ANK1: variants seen among roughly 807,000 people sequenced by gnomAD.
ANK1 encodes the protein ankyrin-1.
A neutral mutation model predicts 210.4 loss-of-function variants in ANK1; 51 were observed. The ratio of observed to expected loss-of-function variants is 0.24; its 90% CI spans 0.19 to 0.31. ANK1 has a LOEUF of 0.31. Among genes scored for constraint, ANK1 ranks in the 10% least tolerant of loss-of-function variants. The pLI is 1.00. For missense variants in ANK1, 2,051 were observed against 2,504.4 expected (o/e 0.82, Z 3.86); for synonymous variants, 967 against 1,025.9 (o/e 0.94, Z 1.10).
At chr8:41,890,708 C>CAAAAAAAAAAAAAAAA (rs557921949) in intron 1 of ANK1, among the ~76,000 whole-genome samples, 2 of 62,946 alleles carry the variant, frequency 3.2e-5, no homozygotes, top group African/African-American at 4.3e-5. Flanking sequence ...GACTCCGTCT[C>CAAAAAAAAAAAAAAAA]AAAAAAAAAA....
chr8:41,692,541 C>T, intron 31 of ANK1, 107 bp downstream of exon 31: 1 of 1,118,494 alleles, frequency 8.9e-7, no homozygotes, highest in Non-Finnish European at 1.3e-6. Flanking sequence ...GCTGTGGAGC[C>T]CCTCGTCTAC....
Position 41,734,031 on chromosome 8 carries a change from G to A in ANK1, c.168C>T (p.Gly56=). Residue 56 remains glycine (G), a synonymous_variant, in exon 3 of 43, where the codon GGC becomes GGT. Transcript: ENST00000289734. ...LNGLHLASKE[G]HVKMVVELLH... is the part of the protein sequence containing the mutation. ...GAAGTTCAACCACCATTTTCACATG[G>A]CCTTCCTTAGAAGCCAGATGCAAGC... 6.2e-7 allele frequency: 1 copy of A among 1,614,218 alleles called. No homozygotes were observed. The highest frequency in any genetic ancestry group is 8.5e-7 in the Non-Finnish European group (1 of 1,180,030).
At chr8:41,846,985 C>T (rs1053577495) in intron 1 of ANK1, among the ~76,000 whole-genome samples, 1 of 152,228 alleles carries the variant, frequency 6.6e-6, no homozygotes, top group East Asian at 1.9e-4. Flanking sequence ...TTACCATCGC[C>T]TCTCATGGGG....
At chr8:41,723,781 T>A (rs976927810) in intron 7 of ANK1, 148 bp from the exon 8 acceptor site, 10 of 510,330 alleles carry the variant, frequency 2.0e-5, no homozygotes, top group Admixed American at 1.1e-4. Context: ...TTTTATTTTT[T>A]TTTATTTTTT....
chr8:41,837,054 G>A (rs1362560864), intron 1 of ANK1, among the ~76,000 whole-genome samples: 2 of 152,208 alleles, frequency 1.3e-5, no homozygotes, highest in Admixed American at 1.3e-4. Flanking sequence ...TTGGTTAAAT[G>A]AGATAAAACC....
At position 41,704,221 on chromosome 8, in the gene ANK1, T is replaced by C. The variant is rs1823917581; in HGVS notation, c.2197-82A>G. On this transcript the variant is annotated intron_variant, in intron 19 of 42. Transcript: ENST00000289734. The surrounding 1 kb of genome is among the most constrained non-coding windows in gnomAD (Gnocchi z 4.1). ...CTACACATGATAGTGCCTGCCCATC[T>C]TCGAAGTGGGACATTAATGAAATGC... 1 of 1,406,586 alleles carries C rather than the reference T, an allele frequency of 7.1e-7. No homozygotes were observed. The allele number at this position is 1,406,586 out of a possible 1,614,324, so 87.1% of individuals were successfully genotyped here.
chr8:41,654,260 A>T lies in ANK1; in HGVS notation c.*1530T>A, dbSNP rs561281385. On this transcript the variant is annotated 3_prime_UTR_variant, in exon 43 of 43. Transcript: ENST00000289734. ...GAACTTAAGGCTCCTCCCTGATGGC[A>T]CCGAGGCGAGGAACTGCCAGCTGTC... 1 of 152,672 alleles carries T rather than the reference A, an allele frequency of 6.5e-6. No homozygotes were observed. Among genetic ancestry groups the T allele is most frequent in the East Asian group, 1.9e-4 (1 of 5,166 alleles). 9.5% of individuals were successfully genotyped at this position (152,672 alleles called of 1,614,324 possible). A position where few individuals can be genotyped will look rare whatever the true frequency, so the allele number is the denominator to read the frequency against.
intron 2 of ANK1, among the ~76,000 whole-genome samples, chr8:41,734,984 T>C (rs1833075892): frequency 6.6e-6 from 1 of 152,142 alleles, no homozygotes; most frequent in Non-Finnish European, 1.5e-5. Context: ...AGTTAAGCTT[T>C]AGGAAAAGCA....
Position 41,727,618 on chromosome 8 carries a change from C to A in ANK1, c.328-270G>T, listed in dbSNP as rs139394900. 2.9e-3 allele frequency among the ~76,000 whole-genome samples: 439 copies of A among 152,350 alleles called. 2 individuals carry two copies. Among genetic ancestry groups the A allele is most frequent in the African/African-American group, 9.9e-3 (411 of 41,574 alleles). Reference sequence around the variant, plus strand: ...TTCATCAATGCTGCACTGCACACCTCATTCCCCCAGTCCTCAGTTTCTCTC... The same window carrying A: ...TTCATCAATGCTGCACTGCACACCTAATTCCCCCAGTCCTCAGTTTCTCTC... On this transcript the variant is annotated intron_variant, in intron 4 of 42. Transcript: ENST00000289734.
At chr8:41,887,242 C>CTTTTTTTTTTTTTT (rs35112522) in intron 1 of ANK1, among the ~76,000 whole-genome samples, 2 of 80,712 alleles carry the variant, frequency 2.5e-5, no homozygotes, top group African/African-American at 5.6e-5. Flanking sequence ...CTTTCCTTTC[C>CTTTTTTTTTTTTTT]TTTTTTTTTT....
At chr8:41,878,936 G>A (rs1817096284) in intron 1 of ANK1, among the ~76,000 whole-genome samples, 1 of 152,194 alleles carries the variant, frequency 6.6e-6, no homozygotes, top group South Asian at 2.1e-4. Flanking sequence ...GGTGGTAGAC[G>A]CCTGTAATCC....
At chr8:41,873,552 G>A (rs1263556452) in intron 1 of ANK1, among the ~76,000 whole-genome samples, 1 of 152,240 alleles carries the variant, frequency 6.6e-6, no homozygotes, top group Non-Finnish European at 1.5e-5. Context: ...GGAGCCAGGA[G>A]TTGCAACCAA....
At chr8:41,701,915 T>A in intron 21 of ANK1, 137 bp downstream of exon 21, 1 of 909,692 alleles carries the variant, frequency 1.1e-6, no homozygotes. Context: ...GAGGACAAGC[T>A]CCCACCCGTC....
chr8:41,711,806 A>T (rs2150627205), intron 16 of ANK1, among the ~76,000 whole-genome samples: 1 of 152,236 alleles, frequency 6.6e-6, no homozygotes, highest in African/African-American at 2.4e-5. Flanking sequence ...CTTTCTCAGG[A>T]CCTCTTGATG....
chr8:41,807,729 C>T (rs1025591329), intron 1 of ANK1, among the ~76,000 whole-genome samples: 43 of 152,130 alleles, frequency 2.8e-4, no homozygotes, highest in African/African-American at 9.7e-4. Flanking sequence ...CTTCCTCTCT[C>T]GTTTTTAAAT....
At chr8:41,870,727 C>T (rs1231601887) in intron 1 of ANK1, among the ~76,000 whole-genome samples, 4 of 152,292 alleles carry the variant, frequency 2.6e-5, no homozygotes, top group Admixed American at 2.0e-4. Flanking sequence ...AGGGTGGGCC[C>T]GGCACACACG....
Position 41,698,141 on chromosome 8 carries a change from G to C in ANK1, c.2559-20C>G. 6.2e-7 allele frequency: 1 copy of C among 1,612,806 alleles called. No individual in the cohort carries two copies. The highest frequency in any genetic ancestry group is 1.1e-5 in the South Asian group (1 of 91,018). On this transcript the variant is annotated intron_variant, in intron 23 of 42. Transcript: ENST00000289734. ...TCCACCCTGCGTGCCAAGAACACCA[G>C]AACATCACAGGGCTGATCCACATGT...
At chr8:41,871,968 C>G (rs1460677189) in intron 1 of ANK1, among the ~76,000 whole-genome samples, 5 of 152,146 alleles carry the variant, frequency 3.3e-5, no homozygotes, top group Non-Finnish European at 5.9e-5. Context: ...GGGTCCGGGC[C>G]AGGCACCCAC....
chr8:41,774,840 C>A (rs1286350099), intron 1 of ANK1, among the ~76,000 whole-genome samples: 2 of 152,220 alleles, frequency 1.3e-5, no homozygotes, highest in Admixed American at 6.5e-5. Flanking sequence ...ATATTGTGGA[C>A]TGGGGAGCCG....
Sources: gnomAD v4.1 joint callset for allele counts (sites outside exome capture counted in the v4.1 genomes callset) on GRCh38, gnomAD v4.1.1 for gene constraint, Gnocchi (gnomAD v3.1) non-coding constraint, MANE v1.5 for transcripts, NCBI Gene and HGNC (gene_info 2026-07-23, HGNC 2026-07-21) for gene names.